The following ACOXL variants were observed in gnomAD, a reference collection of about 807,000 sequenced individuals.
ACOXL encodes the protein acyl-CoA oxidase like.
ACOXL carries 70 observed loss-of-function variants against 71.9 expected under a neutral mutation model. The observed-to-expected ratio is 0.97, with a 90% confidence interval of 0.80 to 1.19. The LOEUF is 1.19. Among genes scored for constraint, ACOXL ranks in the 50% most tolerant of loss-of-function variants. The probability of loss-of-function intolerance (pLI) is 0.00; values close to 1 mark genes in which losing one functional copy is unlikely to be tolerated. For missense variants in ACOXL, 703 were observed against 736.3 expected, an observed-to-expected ratio of 0.95 and a Z score of 0.52; for synonymous variants, 253 against 281.6, an observed-to-expected ratio of 0.90 and a Z score of 1.02.
chr2:111,109,023 T>C (rs556991470), intron 17 of ACOXL, among the ~76,000 whole-genome samples: 1 of 152,218 alleles, frequency 6.6e-6, no homozygotes, highest in Non-Finnish European at 1.5e-5. Context: ...TCCTCCCAAA[T>C]GCTCATCTCT....
chr2:110,915,489 T>C (rs1431992092), intron 11 of ACOXL, among the ~76,000 whole-genome samples: 1 of 147,910 alleles, frequency 6.8e-6, no homozygotes, highest in African/African-American at 2.5e-5. Flanking sequence ...AGTGGCACAA[T>C]CTCGGCTCAC....
In ACOXL at chr2:110,846,636, T is replaced by TACACACACACACACACACACACACACAC. The variant is rs1452445738; in HGVS notation, c.788+5235_788+5236insACACACACACACACACACACACACACAC. Among the ~76,000 whole-genome samples, 23 of 44,890 alleles carry TACACACACACACACACACACACACACAC rather than the reference T, an allele frequency of 5.1e-4. No homozygotes were observed. In the South Asian group the frequency reaches 6.9e-3, roughly 14 times the overall value. The allele number at this position is 44,890 out of a possible 152,430, so 29.4% of individuals were successfully genotyped here. On this transcript the variant is annotated intron_variant, in intron 10 of 17. Coordinates refer to ENST00000439055, the MANE Select transcript of ACOXL (RefSeq NM_001142807.4). Reference sequence around the variant, plus strand: ...CCGCATGTGAGCATGCAAGTATGCATACACGCACACACACACACACACACA... The same window carrying TACACACACACACACACACACACACACAC: ...CCGCATGTGAGCATGCAAGTATGCATACACACACACACACACACACACACACACACACGCACACACACACACACACACA...
intron 8 of ACOXL, 119 bp from the exon 9 acceptor site, chr2:110,805,144 A>G (rs941714729): frequency 2.2e-5 from 29 of 1,335,232 alleles, no homozygotes; most frequent in Non-Finnish European, 2.9e-5. Context: ...TCAAGGGGGA[A>G]GTTCCACGAT....
rs114857612 is a variant in ACOXL at position 111,001,508 on chromosome 2, C to G, written c.1281+5504C>G. Among the ~76,000 whole-genome samples the G allele has an allele frequency of 4.1e-3, 629 of 152,302 alleles. 9 individuals carry two copies. Among genetic ancestry groups the G allele is most frequent in the African/African-American group, 0.015 (606 of 41,556 alleles). The stretch of plus-strand genomic sequence containing the variant: ...GAACCCAGAGGGTGGAGCCAAGGGT[C>G]ACAGAGAATCAAACCACCTGGGTGT... On this transcript the variant is annotated intron_variant, in intron 14 of 17. Coordinates refer to ENST00000439055, the MANE Select transcript of ACOXL (RefSeq NM_001142807.4).
At chr2:110,834,345 C>T (rs117961047) in intron 9 of ACOXL, among the ~76,000 whole-genome samples, 5 of 152,286 alleles carry the variant, frequency 3.3e-5, no homozygotes, top group East Asian at 1.9e-4. Flanking sequence ...AGGAAAACAC[C>T]GTGTGTGGTT....
chr2:110,781,416 C>T (rs994265723), intron 2 of ACOXL, among the ~76,000 whole-genome samples: 3 of 151,418 alleles, frequency 2.0e-5, no homozygotes, highest in Admixed American at 6.6e-5. Context: ...TGGAGGCGGG[C>T]GGATCATGAG....
At chr2:110,971,753 T>C (rs2062199239) in intron 12 of ACOXL, among the ~76,000 whole-genome samples, 1 of 152,188 alleles carries the variant, frequency 6.6e-6, no homozygotes, top group Admixed American at 6.5e-5. Flanking sequence ...TAATTTAACT[T>C]GGGCTAGATT....
At chr2:111,003,045 T>G (rs963024631) in intron 14 of ACOXL, among the ~76,000 whole-genome samples, 5 of 152,234 alleles carry the variant, frequency 3.3e-5, no homozygotes, top group African/African-American at 1.2e-4. Context: ...ATTTTCAGCA[T>G]GAAATTAGAA....
chr2:111,073,816 G>C (rs1254361920), intron 16 of ACOXL, among the ~76,000 whole-genome samples: 1 of 151,910 alleles, frequency 6.6e-6, no homozygotes, highest in African/African-American at 2.4e-5. Context: ...GATTTTGATT[G>C]GAATTATAAA....
intron 16 of ACOXL, among the ~76,000 whole-genome samples, chr2:111,084,245 C>T (rs1168174010): frequency 2.7e-5 from 4 of 146,722 alleles, no homozygotes; most frequent in African/African-American, 1.0e-4. Context: ...CTTACGGACA[C>T]AGATCTAAGG....
At chr2:110,917,130 C>G (rs976541796) in intron 11 of ACOXL, among the ~76,000 whole-genome samples, 4 of 152,154 alleles carry the variant, frequency 2.6e-5, no homozygotes, top group African/African-American at 9.7e-5. Context: ...GCCAATATCC[C>G]TGATGAACAT....
At chr2:110,883,107 G>GTTTTTTTTTTTTTTTTTTTTTTT (rs34915436) in intron 10 of ACOXL, among the ~76,000 whole-genome samples, 1 of 109,266 alleles carries the variant, frequency 9.2e-6, no homozygotes, top group Non-Finnish European at 1.8e-5. Context: ...TTTGTCACTG[G>GTTTTTTTTTTTTTTTTTTTTTTT]TTTTTTTTTT....
chr2:110,931,823 A>C (rs568602849), intron 11 of ACOXL, among the ~76,000 whole-genome samples: 1 of 152,384 alleles, frequency 6.6e-6, no homozygotes, highest in Non-Finnish European at 1.5e-5. Flanking sequence ...CACCGCTGGT[A>C]GGAATGTAAA....
chr2:110,948,747 A>T (rs2061213239), intron 12 of ACOXL, among the ~76,000 whole-genome samples: 1 of 150,320 alleles, frequency 6.7e-6, no homozygotes, highest in African/African-American at 2.4e-5. Context: ...AAAATCCAAA[A>T]GCACAGTGGG....
At chr2:111,049,415 G>A in intron 16 of ACOXL, 127 bp downstream of exon 16, 1 of 737,980 alleles carries the variant, frequency 1.4e-6, no homozygotes. Context: ...AGGGGGATAA[G>A]CTTGTCATAG....
chr2:110,734,596 C>T (rs72942175), intron 1 of ACOXL, among the ~76,000 whole-genome samples: 8,624 of 152,068 alleles, frequency 0.057, 820 homozygotes, highest in African/African-American at 0.2. Flanking sequence ...TTGTGAACGG[C>T]TGCTTTAAGT....
intron 16 of ACOXL, among the ~76,000 whole-genome samples, chr2:111,059,073 A>G (rs2066681627): frequency 1.3e-5 from 2 of 152,198 alleles, no homozygotes; most frequent in Admixed American, 6.5e-5. Context: ...TCTACAAAAA[A>G]TTCTAAAAAG....
intron 12 of ACOXL, among the ~76,000 whole-genome samples, chr2:110,940,413 A>G (rs1479473602): frequency 6.6e-6 from 1 of 152,218 alleles, no homozygotes. Context: ...AGACCAAAAT[A>G]TGATCATTTA....
intron 16 of ACOXL, among the ~76,000 whole-genome samples, chr2:111,061,866 A>G (rs1409454003): frequency 6.6e-6 from 1 of 152,102 alleles, no homozygotes; most frequent in Non-Finnish European, 1.5e-5. Context: ...CCATGTATAA[A>G]TCAAAATAAA....
Sources: gnomAD v4.1 joint callset for allele counts (sites outside exome capture counted in the v4.1 genomes callset) on GRCh38, gnomAD v4.1.1 for gene constraint, MANE v1.5 for transcripts, NCBI Gene and HGNC (gene_info 2026-07-23, HGNC 2026-07-21) for gene names.